CCDC178: variants seen among roughly 807,000 people sequenced by gnomAD.
The protein encoded by CCDC178 is coiled-coil domain-containing protein 178.
In CCDC178, 126 loss-of-function variants were observed where a neutral mutation model predicts 117.4. That is an observed-to-expected ratio of 1.07 (90% confidence interval 0.93 to 1.24). The LOEUF (loss-of-function observed/expected upper bound fraction) is 1.24. Ranked by LOEUF, CCDC178 falls within the 50% of genes most tolerant of loss-of-function variation. The pLI is 0.00. For missense variants in CCDC178, 1,030 were observed against 986.9 expected (o/e 1.04, Z -0.59); for synonymous variants, 283 against 313.4 (o/e 0.90, Z 1.02).
chr18:33,319,899 A>G (rs2062479457), intron 11 of CCDC178, among the ~76,000 whole-genome samples: 1 of 152,094 alleles, frequency 6.6e-6, no homozygotes, highest in African/African-American at 2.4e-5. Context: ...TTTTTCTTAT[A>G]AATTTGTTTG....
chr18:33,288,960 G>C (rs1000654440), intron 12 of CCDC178, among the ~76,000 whole-genome samples: 5 of 152,150 alleles, frequency 3.3e-5, no homozygotes, highest in African/African-American at 1.2e-4. Context: ...GCTGGAGACA[G>C]AAACAAGGGC....
At chr18:33,095,805 T>C (rs2057533864) in intron 20 of CCDC178, among the ~76,000 whole-genome samples, 1 of 151,954 alleles carries the variant, frequency 6.6e-6, no homozygotes, top group Admixed American at 6.6e-5. Context: ...AGTGTATATA[T>C]ACTCTTTTAA....
At chr18:33,347,159 C>T (rs28730998) in intron 8 of CCDC178, among the ~76,000 whole-genome samples, 63 of 152,136 alleles carry the variant, frequency 4.1e-4, no homozygotes, top group African/African-American at 1.2e-3. Flanking sequence ...GGACTGATGC[C>T]TATAAACACT....
At chr18:33,033,000 G>A (rs1231446724) in intron 21 of CCDC178, among the ~76,000 whole-genome samples, 1 of 151,962 alleles carries the variant, frequency 6.6e-6, no homozygotes, top group Non-Finnish European at 1.5e-5. Context: ...TCTGCCTTAA[G>A]TACTTCACAA....
At chr18:33,017,871 T>C (rs936670228) in intron 21 of CCDC178, among the ~76,000 whole-genome samples, 2 of 151,758 alleles carry the variant, frequency 1.3e-5, no homozygotes, top group African/African-American at 4.8e-5. Context: ...TTTGGATTAG[T>C]CATGAACCTC....
At chr18:33,429,372 C>CAGAG (rs1235900552) in intron 2 of CCDC178, among the ~76,000 whole-genome samples, 14 of 149,742 alleles carry the variant, frequency 9.3e-5, no homozygotes, top group Non-Finnish European at 1.6e-4. Context: ...GAGAGAGAGA[C>CAGAG]AGACAGAGAG....
intron 21 of CCDC178, among the ~76,000 whole-genome samples, chr18:33,019,102 A>G: frequency 6.6e-6 from 1 of 152,166 alleles, no homozygotes; most frequent in East Asian, 1.9e-4. Flanking sequence ...ACCTTCTCAT[A>G]TTCATATTTA....
intron 6 of CCDC178, 38 bp downstream of exon 6, chr18:33,370,012 G>A (rs553231773): frequency 6.6e-7 from 1 of 1,506,138 alleles, no homozygotes; most frequent in African/African-American, 1.4e-5. Context: ...GGTCGATAAA[G>A]CTTACCAAAA....
At chr18:33,126,316 T>C (rs1349775903) in intron 20 of CCDC178, among the ~76,000 whole-genome samples, 1 of 149,890 alleles carries the variant, frequency 6.7e-6, no homozygotes, top group Non-Finnish European at 1.5e-5. Context: ...TTAGTATGTA[T>C]ATAATATTTT....
intron 10 of CCDC178, among the ~76,000 whole-genome samples, chr18:33,325,488 T>A (rs1320705841): frequency 1.3e-5 from 2 of 152,012 alleles, no homozygotes; most frequent in African/African-American, 4.8e-5. Context: ...TTTATAGAAT[T>A]TCCATAAAGT....
chr18:33,392,379 C>T (rs1261956578), intron 4 of CCDC178, among the ~76,000 whole-genome samples: 1 of 152,092 alleles, frequency 6.6e-6, no homozygotes, highest in Non-Finnish European at 1.5e-5. Context: ...TAATTAAGAC[C>T]TCAGTATTAT....
chr18:33,013,658 T>G (rs1418295698), intron 21 of CCDC178, among the ~76,000 whole-genome samples: 1 of 152,196 alleles, frequency 6.6e-6, no homozygotes, highest in East Asian at 1.9e-4. Context: ...CTGCCTTCAG[T>G]GCGGAAATAG....
intron 14 of CCDC178, among the ~76,000 whole-genome samples, chr18:33,255,324 A>T (rs2059666058): frequency 6.6e-6 from 1 of 152,030 alleles, no homozygotes; most frequent in South Asian, 2.1e-4. Context: ...ATAATAAGAG[A>T]TGAGTTTTAA....
chr18:33,034,745 A>G (rs567122965), intron 21 of CCDC178, among the ~76,000 whole-genome samples: 3 of 151,886 alleles, frequency 2.0e-5, no homozygotes, highest in Admixed American at 2.0e-4. Context: ...AATTTTGAAA[A>G]TTTTTCAATT....
intron 21 of CCDC178, among the ~76,000 whole-genome samples, chr18:32,982,400 A>G (rs765413565): frequency 1.3e-5 from 2 of 152,142 alleles, no homozygotes; most frequent in Non-Finnish European, 2.9e-5. Flanking sequence ...ACCAGTCAAT[A>G]CTGAAAACAA....
chr18:33,078,135 C>G (rs1301057712), intron 21 of CCDC178, among the ~76,000 whole-genome samples: 1 of 152,142 alleles, frequency 6.6e-6, no homozygotes, highest in Non-Finnish European at 1.5e-5. Context: ...TCAACATACA[C>G]AAATCAGTAA....
intron 22 of CCDC178, among the ~76,000 whole-genome samples, chr18:32,964,435 C>T (rs1358343553): frequency 6.6e-6 from 1 of 151,812 alleles, no homozygotes; most frequent in African/African-American, 2.4e-5. Flanking sequence ...GCAATGACAT[C>T]CATGGAGTCA....
chr18:33,162,978 G>T (rs1305620152), intron 20 of CCDC178, among the ~76,000 whole-genome samples: 2 of 152,132 alleles, frequency 1.3e-5, no homozygotes, highest in South Asian at 2.1e-4. Context: ...TCGAATGGTA[G>T]TTCTGTTTTT....
At chr18:33,350,540 T>G (rs1394366847) in intron 7 of CCDC178, among the ~76,000 whole-genome samples, 1 of 152,182 alleles carries the variant, frequency 6.6e-6, no homozygotes, top group Admixed American at 6.5e-5. Flanking sequence ...AAGTGACCTT[T>G]CGTGACTTTT....
Sources: gnomAD v4.1 joint callset for allele counts (sites outside exome capture counted in the v4.1 genomes callset) on GRCh38, gnomAD v4.1.1 for gene constraint, MANE v1.5 for transcripts, NCBI Gene and HGNC (gene_info 2026-07-23, HGNC 2026-07-21) for gene names.